Variants in SPECC1L observed in about 807,000 individuals in gnomAD.
SPECC1L encodes the protein cytospin-A.
In SPECC1L, 40 loss-of-function variants were observed where a neutral mutation model predicts 116.8. That is an observed-to-expected ratio of 0.34 (90% CI 0.27 to 0.45). SPECC1L has a LOEUF of 0.45. Among genes scored for constraint, SPECC1L ranks in the 20% least tolerant of loss-of-function variants. The probability of loss-of-function intolerance (pLI) is 1.00; values close to 1 mark genes in which losing one functional copy is unlikely to be tolerated. For missense variants in SPECC1L, 1,110 were observed against 1,373.6 expected, an observed-to-expected ratio of 0.81 and a Z score of 3.03; for synonymous variants, 504 against 500.6, an observed-to-expected ratio of 1.01 and a Z score of -0.09.
chr22:24,334,667 C>A, intron 9 of SPECC1L, 94 bp downstream of exon 9: 1 of 1,356,932 alleles, frequency 7.4e-7, no homozygotes, highest in Non-Finnish European at 1.1e-6. Flanking sequence ...TACTGTCTTA[C>A]TCTTAGTCCC....
intron 14 of SPECC1L, among the ~76,000 whole-genome samples, chr22:24,400,116 T>G (rs1433475837): frequency 1.3e-5 from 2 of 152,232 alleles, no homozygotes; most frequent in African/African-American, 4.8e-5. Flanking sequence ...ATTTGATCAT[T>G]TTTAAACATA....
intron 11 of SPECC1L, among the ~76,000 whole-genome samples, chr22:24,349,995 C>T (rs980290245): frequency 9.2e-5 from 14 of 152,166 alleles, no homozygotes; most frequent in African/African-American, 3.1e-4. Flanking sequence ...CCCTCGCAGC[C>T]TGGCCTCAGT....
At chr22:24,397,726 C>T (rs936138265) in intron 14 of SPECC1L, among the ~76,000 whole-genome samples, 2 of 152,186 alleles carry the variant, frequency 1.3e-5, no homozygotes, top group Non-Finnish European at 2.9e-5. Flanking sequence ...CAGATATATA[C>T]TTTGCCCATC....
At chr22:24,364,359 A>C (rs2041707595) in intron 12 of SPECC1L, among the ~76,000 whole-genome samples, 2 of 152,116 alleles carry the variant, frequency 1.3e-5, no homozygotes, top group Admixed American at 1.3e-4. Flanking sequence ...TTATTGATTT[A>C]GTTTTTTAAA....
intron 2 of SPECC1L, among the ~76,000 whole-genome samples, chr22:24,284,588 C>T (rs994747923): frequency 6.6e-6 from 1 of 152,036 alleles, no homozygotes; most frequent in Admixed American, 6.5e-5. Flanking sequence ...GCACCCACTA[C>T]CACATCCGGC....
intron 2 of SPECC1L, among the ~76,000 whole-genome samples, chr22:24,286,547 A>G (rs916761905): frequency 5.3e-5 from 8 of 152,236 alleles, no homozygotes; most frequent in Non-Finnish European, 1.2e-4. Flanking sequence ...AGTATGGACC[A>G]TGACATTTTG....
At chr22:24,347,542 G>A (rs1490389510) in intron 11 of SPECC1L, among the ~76,000 whole-genome samples, 2 of 152,176 alleles carry the variant, frequency 1.3e-5, no homozygotes, top group Non-Finnish European at 2.9e-5. Context: ...CTAAGCAGTA[G>A]CCCAGGGCAG....
intron 14 of SPECC1L, among the ~76,000 whole-genome samples, chr22:24,410,642 G>C (rs548070628): frequency 6.6e-6 from 1 of 152,288 alleles, no homozygotes; most frequent in East Asian, 1.9e-4. Flanking sequence ...TTAACCACAA[G>C]TTTGTGGTGG....
intron 14 of SPECC1L, among the ~76,000 whole-genome samples, chr22:24,389,272 A>G (rs2042220801): frequency 6.6e-6 from 1 of 152,026 alleles, no homozygotes; most frequent in East Asian, 1.9e-4. Context: ...GCATGCCACC[A>G]TGGCCGGCTA....
chr22:24,397,471 C>T (rs1334528138), intron 14 of SPECC1L, among the ~76,000 whole-genome samples: 2 of 152,122 alleles, frequency 1.3e-5, no homozygotes, highest in Non-Finnish European at 2.9e-5. Flanking sequence ...TCCTTTTAGG[C>T]TCCCGTTCTG....
chr22:24,317,921 A>G (rs1442258267), intron 4 of SPECC1L, among the ~76,000 whole-genome samples: 1 of 145,760 alleles, frequency 6.9e-6, no homozygotes, highest in Non-Finnish European at 1.5e-5. Context: ...ATCTCAGATG[A>G]TGGGCGGCCG....
rs538972717 is a variant in SPECC1L, at chr22:24,383,792, A to ATTTTTTTTTTTTT, written c.3087+14500_3087+14512dup. ...GCTGGGATTACAGGCACCCACCACT[A>ATTTTTTTTTTTTT]TTTTTTTTTTTTTTTTTTTTTTTTT... is the stretch of plus-strand genomic sequence containing the variant. On this transcript the variant is annotated intron_variant, in intron 14 of 16. Coordinates refer to ENST00000314328, the MANE Select transcript of SPECC1L (RefSeq NM_015330.6). Among the ~76,000 whole-genome samples the ATTTTTTTTTTTTT allele has an allele frequency of 2.1e-4, 16 of 77,332 alleles. 1 individual carries two copies. Among genetic ancestry groups the ATTTTTTTTTTTTT allele is most frequent in the African/African-American group, 3.3e-4 (5 of 15,330 alleles). 50.7% of individuals were successfully genotyped at this position (77,332 alleles called of 152,430 possible).
chr22:24,295,915 T>G (rs534749597), intron 2 of SPECC1L, among the ~76,000 whole-genome samples: 4 of 152,240 alleles, frequency 2.6e-5, no homozygotes, highest in African/African-American at 9.6e-5. Context: ...GCCGTCGCAC[T>G]CCAGACTGGG....
intron 11 of SPECC1L, among the ~76,000 whole-genome samples, chr22:24,361,756 A>G (rs1366338677): frequency 1.3e-5 from 2 of 152,126 alleles, no homozygotes; most frequent in Non-Finnish European, 2.9e-5. Context: ...AGATTGCACC[A>G]CTGCACTTCA....
At chr22:24,411,349 C>T (rs561775665) in intron 14 of SPECC1L, among the ~76,000 whole-genome samples, 7 of 152,292 alleles carry the variant, frequency 4.6e-5, no homozygotes, top group Admixed American at 2.0e-4. Flanking sequence ...GTCAGCAAGA[C>T]GCCACGTGTT....
Position 24,369,238 on chromosome 22 carries a change from T to G in SPECC1L, c.3005T>G (p.Leu1002Arg). Residue 1002 changes from leucine to arginine, a missense_variant, in exon 14 of 17, where the codon CTC becomes CGC. Leu to Arg is a moderately radical substitution (Grantham distance 102). Coordinates refer to ENST00000314328, the MANE Select transcript of SPECC1L (RefSeq NM_015330.6). ...SRIREERKDP[L>R]SALAREYGGS... Reference sequence around the variant, plus strand: ...TTCAGAGAAGAAAGGAAAGACCCTCTCTCAGCATTGGCCAGAGAATATGGA... The same window carrying G: ...TTCAGAGAAGAAAGGAAAGACCCTCGCTCAGCATTGGCCAGAGAATATGGA... 6.2e-7 allele frequency: 1 copy of G among 1,613,972 alleles called. No individual in the cohort carries two copies. The highest frequency in any genetic ancestry group is 8.5e-7 in the Non-Finnish European group (1 of 1,179,810).
intron 11 of SPECC1L, among the ~76,000 whole-genome samples, chr22:24,350,024 A>G (rs1425998079): frequency 2.6e-5 from 4 of 152,042 alleles, no homozygotes; most frequent in Non-Finnish European, 4.4e-5. Flanking sequence ...TAGCCTCTTC[A>G]CTTTCTTGCT....
At chr22:24,369,415 G>A (rs1389671805) in intron 14 of SPECC1L, 95 bp downstream of exon 14, 2 of 896,118 alleles carry the variant, frequency 2.2e-6, no homozygotes, top group East Asian at 4.9e-5. Context: ...GAAATGATAA[G>A]TCCTGACCTG....
intron 14 of SPECC1L, among the ~76,000 whole-genome samples, chr22:24,409,898 G>A (rs974571480): frequency 2.0e-5 from 3 of 152,152 alleles, no homozygotes; most frequent in Admixed American, 6.5e-5. Context: ...GTGGTAGCAC[G>A]TACCAGCCTG....
Sources: allele counts gnomAD v4.1 joint callset (sites outside exome capture counted in the v4.1 genomes callset), GRCh38; gene constraint gnomAD v4.1.1; transcripts MANE v1.5; gene names NCBI Gene and HGNC (gene_info 2026-07-23, HGNC 2026-07-21).